The following OR51E1 variants were observed in gnomAD, a reference collection of about 807,000 sequenced individuals.
The protein encoded by OR51E1 is olfactory receptor 51E1.
In OR51E1, 9 loss-of-function variants were observed where a neutral mutation model predicts 11.5. The ratio of observed to expected loss-of-function variants is 0.78; its 90% CI spans 0.47 to 1.37. The LOEUF (loss-of-function observed/expected upper bound fraction) is 1.37, where lower values mean the gene tolerates loss of function less well. Ranked by LOEUF, OR51E1 falls within the 40% of genes most tolerant of loss-of-function variation. OR51E1 has a pLI of 0.00. For missense variants in OR51E1, 397 were observed against 410.2 expected (o/e 0.97, Z 0.28); for synonymous variants, 168 against 158.3 (o/e 1.06, Z -0.46).
At chr11:4,652,416 C>T (rs952591334) in intron 1 of OR51E1, 72 bp from the exon 2 acceptor site, 34 of 692,310 alleles carry the variant, frequency 4.9e-5, no homozygotes, top group African/African-American at 4.3e-4. Context: ...GAGAACAGTA[C>T]ATCAGGATAG....
At chr11:4,650,612 T>A (rs1847083068) in intron 1 of OR51E1, among the ~76,000 whole-genome samples, 1 of 152,128 alleles carries the variant, frequency 6.6e-6, no homozygotes, top group South Asian at 2.1e-4. Flanking sequence ...GTACAAAGAT[T>A]TGTGACACAC....
In OR51E1 at chr11:4,653,582, T is replaced by G. The variant is rs1564878143; in HGVS notation, c.*99T>G. 8.8e-6 allele frequency: 6 copies of G among 684,860 alleles called. No homozygotes were observed. Among genetic ancestry groups the G allele is most frequent in the Non-Finnish European group, 1.5e-5 (6 of 399,616 alleles). The allele number at this position is 684,860 out of a possible 1,614,324, so 42.4% of individuals were successfully genotyped here. ...GTATTCAGAAAAAAAATTTCCTTAA[T>G]AAAAATACAACTCAGATCCTTCAAA... is the stretch of plus-strand genomic sequence containing the variant. On this transcript the variant is annotated 3_prime_UTR_variant, in exon 2 of 2. Coordinates refer to ENST00000396952, the MANE Select transcript of OR51E1 (RefSeq NM_152430.4).
In OR51E1 at chr11:4,653,928, G is replaced by A. The variant is rs721758; in HGVS notation, c.*445G>A. The A allele has an allele frequency of 0.72, 119,993 of 167,760 alleles. 45,538 individuals carry two copies. Among genetic ancestry groups the A allele is most frequent in the Non-Finnish European group, 0.86 (59,412 of 68,804 alleles). 10.4% of individuals were successfully genotyped at this position (167,760 alleles called of 1,614,324 possible). ...CAACCACATTGGATCTCAGAAAAATGCTGTCTTCAAAATGACTTCTACAGA... is the reference window on the plus strand; with the variant it reads ...CAACCACATTGGATCTCAGAAAAATACTGTCTTCAAAATGACTTCTACAGA... On this transcript the variant is annotated 3_prime_UTR_variant, in exon 2 of 2. Transcript: ENST00000396952.
At chr11:4,645,495 T>A (rs562074939) in intron 1 of OR51E1, among the ~76,000 whole-genome samples, 48 of 152,320 alleles carry the variant, frequency 3.2e-4, no homozygotes, top group African/African-American at 1.1e-3. Flanking sequence ...GCTGCATATT[T>A]GTCTCAATTT....
Position 4,653,557 on chromosome 11 carries a change from G to A in OR51E1, c.*74G>A. On this transcript the variant is annotated 3_prime_UTR_variant, in exon 2 of 2. Transcript: ENST00000396952. ...TTTAATGTTAACATTTTGGAAGACA[G>A]TATTCAGAAAAAAAATTTCCTTAAT... 1 of 945,028 alleles carries A rather than the reference G, an allele frequency of 1.1e-6. No homozygotes were observed. Among genetic ancestry groups the A allele is most frequent in the Non-Finnish European group, 1.6e-6 (1 of 626,978 alleles). 58.5% of individuals were successfully genotyped at this position (945,028 alleles called of 1,614,324 possible).
Position 4,652,590 on chromosome 11 carries a change from G to C in OR51E1, c.64G>C (p.Gly22Arg). Residue 22 changes from glycine (G) to arginine (R), a missense_variant, in exon 2 of 2, where the codon GGT becomes CGT. Physicochemically the swap from Gly to Arg is moderately radical, Grantham distance 125. Transcript: ENST00000396952. ...ATYFILIGLP[G>R]LEEAQFWLAF... ...ATACTTCATCCTAATAGGCCTCCCT[G>C]GTTTAGAAGAGGCTCAGTTCTGGTT... The C allele has an allele frequency of 6.2e-7, 1 of 1,614,130 alleles. No homozygotes were observed. Among genetic ancestry groups the C allele is most frequent in the Non-Finnish European group, 8.5e-7 (1 of 1,180,012 alleles).
In OR51E1 at chr11:4,652,473, A is replaced by G; in HGVS notation, c.-39-15A>G. 7 of 1,215,104 alleles carry G rather than the reference A, an allele frequency of 5.8e-6. No individual in the cohort carries two copies. The South Asian group carries it at 8.0e-5, about 14-fold the overall frequency. 75.3% of individuals were successfully genotyped at this position (1,215,104 alleles called of 1,614,324 possible). A position where few individuals can be genotyped will look rare whatever the true frequency, so the allele number is the denominator to read the frequency against. ...ATGCTTATGGATCTGACAGTGGCTT[A>G]TCTTTGCATTCCAGCCTCTACCTGC... is the stretch of plus-strand genomic sequence containing the variant. On this transcript the variant is annotated splice_polypyrimidine_tract_variant and intron_variant, in intron 1 of 1. Coordinates refer to ENST00000396952, the MANE Select transcript of OR51E1 (RefSeq NM_152430.4).
rs1327970104 is a variant in OR51E1, at chr11:4,655,127, C to G, written c.*1644C>G. ...TGCCTAGAACATAATAGTGCTTATG[C>G]TTGACACCGGTTATTTTTCATCAAA... On this transcript the variant is annotated 3_prime_UTR_variant, in exon 2 of 2. Transcript: ENST00000396952. 2 of 167,106 alleles carry G rather than the reference C, an allele frequency of 1.2e-5. No individual in the cohort carries two copies. The highest frequency in any genetic ancestry group is 4.8e-5 in the African/African-American group (2 of 41,446). 10.4% of individuals were successfully genotyped at this position (167,106 alleles called of 1,614,324 possible). A position where few individuals can be genotyped will look rare whatever the true frequency, so the allele number is the denominator to read the frequency against.
intron 1 of OR51E1, among the ~76,000 whole-genome samples, chr11:4,646,257 T>C (rs1372995171): frequency 6.6e-6 from 1 of 152,194 alleles, no homozygotes; most frequent in Non-Finnish European, 1.5e-5. Context: ...GCCCAGATAG[T>C]GACACTGACA....
At chr11:4,650,827 T>C (rs1847085598) in intron 1 of OR51E1, among the ~76,000 whole-genome samples, 1 of 152,034 alleles carries the variant, frequency 6.6e-6, no homozygotes, top group Non-Finnish European at 1.5e-5. Flanking sequence ...TGCTCCAAAA[T>C]CTGAAACTTT....
Position 4,652,810 on chromosome 11 carries a change from T to A in OR51E1, c.284T>A (p.Ile95Asn), listed in dbSNP as rs1847116154. 1.2e-6 allele frequency: 2 copies of A among 1,614,060 alleles called. No homozygotes were observed. Among genetic ancestry groups the A allele is most frequent in the African/African-American group, 1.3e-5 (1 of 74,928 alleles). ...LAIFWFNSTT[I>N]QFDACLLQMF... ...ATCTTCTGGTTCAATTCCACTACCA[T>A]CCAGTTTGATGCTTGTCTGCTACAG... The change falls in exon 2 of 2, where the codon ATC (isoleucine) becomes AAC (asparagine). Residue 95 changes from isoleucine (I) to asparagine (N), a missense_variant. Coordinates refer to ENST00000396952, the MANE Select transcript of OR51E1 (RefSeq NM_152430.4).
intron 1 of OR51E1, among the ~76,000 whole-genome samples, chr11:4,645,164 A>G (rs1847013628): frequency 1.3e-5 from 2 of 151,892 alleles, no homozygotes; most frequent in African/African-American, 2.4e-5. Context: ...TTATTTGTTT[A>G]CTTCTCATTA....
chr11:4,644,137 G>A (rs1297364608), intron 1 of OR51E1, 107 bp downstream of exon 1: 2 of 152,922 alleles, frequency 1.3e-5, no homozygotes, highest in African/African-American at 4.8e-5. Flanking sequence ...TGAAGAACCA[G>A]AAGTGGGAGA....
At chr11:4,652,010 G>A (rs1489135183) in intron 1 of OR51E1, among the ~76,000 whole-genome samples, 2 of 152,170 alleles carry the variant, frequency 1.3e-5, no homozygotes, top group South Asian at 2.1e-4. Flanking sequence ...GCTGGGGTTA[G>A]GTTTCAGTAT....
chr11:4,653,431 G>C lies in OR51E1; in HGVS notation c.905G>C (p.Arg302Pro), dbSNP rs200258520. 1 of 1,613,914 alleles carries C rather than the reference G, an allele frequency of 6.2e-7. No homozygotes were observed. Among genetic ancestry groups the C allele is most frequent in the Non-Finnish European group, 8.5e-7 (1 of 1,179,946 alleles). The change falls in exon 2 of 2, where the codon CGA (arginine) becomes CCA (proline). Residue 302 changes from arginine (R) to proline (P), a missense_variant. Transcript: ENST00000396952. ...IVYGVKTKEI[R>P]QRILRLFHVA... ...TATGGAGTGAAGACAAAGGAGATTCGACAGCGCATCCTTCGACTTTTCCAT... is the reference window on the plus strand; with the variant it reads ...TATGGAGTGAAGACAAAGGAGATTCCACAGCGCATCCTTCGACTTTTCCAT...
rs201014805 is a variant in OR51E1, at chr11:4,652,618, C to A, written c.92C>A (p.Ala31Asp). ...TTAGAAGAGGCTCAGTTCTGGTTGG[C>A]CTTCCCATTGTGCTCCCTCTACCTT... The part of the protein sequence containing the change: ...PGLEEAQFWL[A>D]FPLCSLYLIA... The change falls in exon 2 of 2, where the codon GCC becomes GAC. Residue 31 changes from alanine to aspartate, a missense_variant. Physicochemically the swap from Ala to Asp is moderately radical, Grantham distance 126. Coordinates refer to ENST00000396952, the MANE Select transcript of OR51E1 (RefSeq NM_152430.4). 1.2e-6 allele frequency: 2 copies of A among 1,614,132 alleles called. No homozygotes were observed. Among genetic ancestry groups the A allele is most frequent in the Non-Finnish European group, 1.7e-6 (2 of 1,179,998 alleles).
At chr11:4,649,180 T>A (rs183791464) in intron 1 of OR51E1, among the ~76,000 whole-genome samples, 109 of 152,356 alleles carry the variant, frequency 7.2e-4, no homozygotes, top group Non-Finnish European at 1.4e-3. Flanking sequence ...AATATAGCAA[T>A]AATTATAGTT....
intron 1 of OR51E1, among the ~76,000 whole-genome samples, chr11:4,647,908 C>G (rs1847048630): frequency 6.6e-6 from 1 of 152,010 alleles, no homozygotes; most frequent in African/African-American, 2.4e-5. Flanking sequence ...TAATTTAGTT[C>G]CAAGTTCCTC....
chr11:4,650,026 A>T (rs151123056), intron 1 of OR51E1, among the ~76,000 whole-genome samples: 36 of 152,346 alleles, frequency 2.4e-4, no homozygotes, highest in African/African-American at 7.7e-4. Context: ...ATGGCTATAT[A>T]ATACTGCCTC....
Sources: gnomAD v4.1 joint callset for allele counts (sites outside exome capture counted in the v4.1 genomes callset) on GRCh38, gnomAD v4.1.1 for gene constraint, MANE v1.5 for transcripts, NCBI Gene and HGNC (gene_info 2026-07-23, HGNC 2026-07-21) for gene names.